Variants in CDH13 observed in about 807,000 individuals in gnomAD.
The protein encoded by CDH13 is cadherin-13.
Under a neutral mutation model 63.8 loss-of-function variants are expected in CDH13, and 24 were observed. The observed-to-expected ratio is 0.38, with a 90% CI of 0.27 to 0.53. CDH13 has a LOEUF of 0.53. Among genes scored for constraint, CDH13 ranks in the 20% least tolerant of loss-of-function variants. The pLI is 0.85. For missense variants in CDH13, 1,049 were observed against 903.1 expected (o/e 1.16, Z -2.07); for synonymous variants, 503 against 355.3 (o/e 1.42, Z -4.67).
intron 6 of CDH13, among the ~76,000 whole-genome samples, chr16:83,403,784 G>A (rs2092003599): frequency 6.6e-6 from 1 of 152,030 alleles, no homozygotes; most frequent in African/African-American, 2.4e-5. Flanking sequence ...CCACCAACAT[G>A]GAATCCATAG....
intron 6 of CDH13, among the ~76,000 whole-genome samples, chr16:83,418,173 G>T (rs1056440176): frequency 6.6e-6 from 1 of 152,094 alleles, no homozygotes; most frequent in Non-Finnish European, 1.5e-5. Flanking sequence ...GTCTTACTGT[G>T]CTACACTTTT....
At chr16:82,722,324 G>A (rs1322478185) in intron 1 of CDH13, among the ~76,000 whole-genome samples, 1 of 152,014 alleles carries the variant, frequency 6.6e-6, no homozygotes, top group African/African-American at 2.4e-5. Flanking sequence ...TTTTTTCTAT[G>A]GTGACTTCAC....
intron 1 of CDH13, among the ~76,000 whole-genome samples, chr16:82,729,591 G>A (rs1156330025): frequency 6.6e-6 from 1 of 152,044 alleles, no homozygotes; most frequent in Admixed American, 6.6e-5. Context: ...TTTAAAAGTA[G>A]CACTGCAAGA....
At chr16:83,478,784 A>T (rs2073678926) in intron 6 of CDH13, among the ~76,000 whole-genome samples, 1 of 151,742 alleles carries the variant, frequency 6.6e-6, no homozygotes, top group African/African-American at 2.4e-5. Context: ...TCACACCCAG[A>T]ACTGAGAACC....
intron 1 of CDH13, among the ~76,000 whole-genome samples, chr16:82,645,541 A>T (rs1456860908): frequency 6.6e-6 from 1 of 152,080 alleles, no homozygotes; most frequent in Non-Finnish European, 1.5e-5. Flanking sequence ...TCAACATCCT[A>T]CAATGAACAG....
At chr16:83,575,081 T>A (rs1904984838) in intron 7 of CDH13, among the ~76,000 whole-genome samples, 1 of 152,212 alleles carries the variant, frequency 6.6e-6, no homozygotes, top group South Asian at 2.1e-4. Context: ...AACGAAGCAC[T>A]GTGAGATGAC....
intron 6 of CDH13, among the ~76,000 whole-genome samples, chr16:83,396,155 T>C (rs1291574066): frequency 6.6e-6 from 1 of 152,202 alleles, no homozygotes; most frequent in Non-Finnish European, 1.5e-5. Flanking sequence ...TAGTATTCCG[T>C]GGTGTATACA....
intron 10 of CDH13, among the ~76,000 whole-genome samples, chr16:83,723,292 A>G (rs1008529088): frequency 1.3e-5 from 2 of 152,160 alleles, no homozygotes; most frequent in Admixed American, 6.5e-5. Flanking sequence ...TAGTGTCTCC[A>G]TTTCACATAT....
At chr16:83,782,420 T>C (rs1382052098) in intron 12 of CDH13, among the ~76,000 whole-genome samples, 1 of 149,660 alleles carries the variant, frequency 6.7e-6, no homozygotes, top group Non-Finnish European at 1.5e-5. Flanking sequence ...TGTAGAGCTG[T>C]GGACAGAGGA....
intron 5 of CDH13, among the ~76,000 whole-genome samples, chr16:83,342,302 TC>T (rs2090743280): frequency 6.6e-6 from 1 of 152,196 alleles, no homozygotes; most frequent in Non-Finnish European, 1.5e-5. Flanking sequence ...CATATCTTTT[TC>T]TCTTGTTTAT....
intron 1 of CDH13, among the ~76,000 whole-genome samples, chr16:82,794,320 G>C (rs2036473296): frequency 7.5e-6 from 1 of 133,436 alleles, no homozygotes; most frequent in Admixed American, 7.8e-5. Context: ...AAACTCGCCA[G>C]CTCTGCAAAA....
chr16:83,437,750 G>C (rs1201422263), intron 6 of CDH13, among the ~76,000 whole-genome samples: 1 of 152,072 alleles, frequency 6.6e-6, no homozygotes, highest in Non-Finnish European at 1.5e-5. Context: ...TAACATTCTT[G>C]ACTGCCCTTT....
chr16:83,320,284 G>C (rs1000536371), intron 5 of CDH13, among the ~76,000 whole-genome samples: 1 of 151,978 alleles, frequency 6.6e-6, no homozygotes, highest in African/African-American at 2.4e-5. Flanking sequence ...GGACTCAAGT[G>C]ATCCTTCCAA....
intron 2 of CDH13, among the ~76,000 whole-genome samples, chr16:82,961,239 T>C (rs1424237608): frequency 2.0e-5 from 3 of 152,158 alleles, no homozygotes; most frequent in Non-Finnish European, 4.4e-5. Flanking sequence ...AATGAGGAGA[T>C]GGGGTAGCCA....
chr16:83,024,548 T>C (rs1350502847), intron 2 of CDH13, among the ~76,000 whole-genome samples: 1 of 152,144 alleles, frequency 6.6e-6, no homozygotes, highest in East Asian at 1.9e-4. Context: ...CCTCGGTTCA[T>C]ATAATGACTT....
chr16:83,591,986 C>T (rs72793498), intron 7 of CDH13, among the ~76,000 whole-genome samples: 3,213 of 152,280 alleles, frequency 0.021, 64 homozygotes, highest in Non-Finnish European at 0.034. Flanking sequence ...GTAGGGTATG[C>T]CCTTCTGCAG....
chr16:83,613,930 C>T (rs1165885497), intron 8 of CDH13, among the ~76,000 whole-genome samples: 1 of 151,874 alleles, frequency 6.6e-6, no homozygotes, highest in Non-Finnish European at 1.5e-5. Context: ...AGCTGAAATT[C>T]TACATTTTAC....
At chr16:83,283,331 C>T (rs902133868) in intron 5 of CDH13, among the ~76,000 whole-genome samples, 2 of 152,182 alleles carry the variant, frequency 1.3e-5, no homozygotes, top group African/African-American at 4.8e-5. Flanking sequence ...TGGCTTACTC[C>T]TGTAATCCTA....
At chr16:83,511,197 C>G (rs1316236460) in intron 7 of CDH13, among the ~76,000 whole-genome samples, 1 of 152,228 alleles carries the variant, frequency 6.6e-6, no homozygotes, top group Non-Finnish European at 1.5e-5. Flanking sequence ...TGCGGTGGCT[C>G]ACACCTGTGA....
Sources: allele counts gnomAD v4.1 joint callset (sites outside exome capture counted in the v4.1 genomes callset), GRCh38; gene constraint gnomAD v4.1.1; transcripts MANE v1.5; gene names NCBI Gene and HGNC (gene_info 2026-07-23, HGNC 2026-07-21).